Variants in COL19A1 observed in about 807,000 individuals in gnomAD.
COL19A1 encodes the protein collagen type XIX alpha 1 chain.
In COL19A1, 159 loss-of-function variants were observed where a neutral mutation model predicts 190.2. The observed-to-expected ratio is 0.84, with a 90% CI of 0.73 to 0.95. The LOEUF is 0.95. COL19A1 is among the 40% of genes least tolerant of loss of function. The probability of loss-of-function intolerance (pLI) is 0.00; values close to 1 mark genes in which losing one functional copy is unlikely to be tolerated. For missense variants in COL19A1, 1,418 were observed against 1,431.9 expected (o/e 0.99, Z 0.16); for synonymous variants, 509 against 458.9 (o/e 1.11, Z -1.39).
intron 4 of COL19A1, among the ~76,000 whole-genome samples, chr6:69,900,883 T>A (rs1044134917): frequency 6.6e-6 from 1 of 152,184 alleles, no homozygotes; most frequent in Non-Finnish European, 1.5e-5. Context: ...TTTCCCTTAC[T>A]TTTTCTTTCT....
intron 14 of COL19A1, among the ~76,000 whole-genome samples, chr6:70,065,577 G>T (rs1781131972): frequency 6.6e-6 from 1 of 152,120 alleles, no homozygotes; most frequent in South Asian, 2.1e-4. Context: ...AACACCAAAA[G>T]CAATGGCAAC....
At chr6:70,087,486 A>T (rs1258288943) in intron 15 of COL19A1, among the ~76,000 whole-genome samples, 1 of 152,128 alleles carries the variant, frequency 6.6e-6, no homozygotes, top group African/African-American at 2.4e-5. Context: ...TATGGCTAGA[A>T]TGGTGAAGGA....
At chr6:70,040,757 T>C (rs187782118) in intron 14 of COL19A1, among the ~76,000 whole-genome samples, 2 of 152,184 alleles carry the variant, frequency 1.3e-5, no homozygotes, top group African/African-American at 4.8e-5. Context: ...AAAGTGATAT[T>C]TATGGCATTA....
At chr6:70,083,592 C>T (rs1782406115) in intron 15 of COL19A1, among the ~76,000 whole-genome samples, 1 of 152,094 alleles carries the variant, frequency 6.6e-6, no homozygotes, top group Non-Finnish European at 1.5e-5. Context: ...ACTGAAACAA[C>T]AAAAACTTTA....
intron 11 of COL19A1, among the ~76,000 whole-genome samples, chr6:69,991,407 C>T (rs1280042965): frequency 2.6e-5 from 4 of 151,876 alleles, no homozygotes; most frequent in Non-Finnish European, 5.9e-5. Flanking sequence ...AAGTATATAC[C>T]CAGTAATGAG....
chr6:70,143,052 T>G (rs936039400), intron 23 of COL19A1, among the ~76,000 whole-genome samples: 1 of 152,160 alleles, frequency 6.6e-6, no homozygotes, highest in African/African-American at 2.4e-5. Context: ...AATTGGTTTT[T>G]GGAGCTCAAG....
At chr6:70,022,605 G>A (rs1778475699) in intron 11 of COL19A1, among the ~76,000 whole-genome samples, 1 of 152,096 alleles carries the variant, frequency 6.6e-6, no homozygotes, top group Non-Finnish European at 1.5e-5. Context: ...AAAATTATAT[G>A]TCACTATGAG....
intron 4 of COL19A1, among the ~76,000 whole-genome samples, chr6:69,920,129 G>GA (rs1458325419): frequency 6.6e-6 from 1 of 151,776 alleles, no homozygotes; most frequent in Non-Finnish European, 1.5e-5. Context: ...AAAATATAAA[G>GA]AAAAAAATAA....
intron 9 of COL19A1, among the ~76,000 whole-genome samples, chr6:69,946,886 G>C (rs1414276775): frequency 1.3e-5 from 2 of 151,910 alleles, no homozygotes; most frequent in Non-Finnish European, 2.9e-5. Context: ...TGGCCCTATA[G>C]TAGGGCTGCC....
chr6:69,944,068 C>A (rs1773635824), intron 9 of COL19A1, among the ~76,000 whole-genome samples: 1 of 152,072 alleles, frequency 6.6e-6, no homozygotes. Flanking sequence ...ACTTTTGCTC[C>A]AAGTCCTTTG....
At chr6:70,175,177 G>T (rs1765729206) in intron 41 of COL19A1, among the ~76,000 whole-genome samples, 1 of 152,010 alleles carries the variant, frequency 6.6e-6, no homozygotes, top group African/African-American at 2.4e-5. Context: ...TCTTTTTGAT[G>T]ATGGCTATGC....
intron 11 of COL19A1, among the ~76,000 whole-genome samples, chr6:69,997,809 A>C (rs1342795675): frequency 6.6e-6 from 1 of 152,196 alleles, no homozygotes; most frequent in Non-Finnish European, 1.5e-5. Flanking sequence ...GAGAGAGATA[A>C]ATAAGAGAGA....
intron 9 of COL19A1, among the ~76,000 whole-genome samples, chr6:69,955,251 A>G (rs1277437446): frequency 1.3e-5 from 2 of 152,142 alleles, no homozygotes. Context: ...CTAAGGCTTA[A>G]TTCTCTAGCT....
intron 14 of COL19A1, among the ~76,000 whole-genome samples, chr6:70,056,408 A>C (rs537811696): frequency 3.3e-5 from 5 of 152,152 alleles, no homozygotes; most frequent in African/African-American, 1.2e-4. Context: ...AAGAAGAGAG[A>C]AAACAAGAAT....
intron 9 of COL19A1, among the ~76,000 whole-genome samples, chr6:69,945,194 C>G (rs1347505698): frequency 1.3e-5 from 2 of 151,984 alleles, no homozygotes; most frequent in African/African-American, 4.8e-5. Flanking sequence ...TTCCATATCT[C>G]CAGTTAATTT....
chr6:70,177,177 C>T (rs1765866461), intron 42 of COL19A1, among the ~76,000 whole-genome samples: 1 of 152,176 alleles, frequency 6.6e-6, no homozygotes, highest in Non-Finnish European at 1.5e-5. Flanking sequence ...TTCTGATCTT[C>T]ATTCATGATG....
At chr6:70,042,057 T>C (rs1779661713) in intron 14 of COL19A1, among the ~76,000 whole-genome samples, 1 of 152,110 alleles carries the variant, frequency 6.6e-6, no homozygotes, top group African/African-American at 2.4e-5. Flanking sequence ...ATAGCAAGAC[T>C]CTGTCTCAAA....
At chr6:70,110,480 A>G (rs1480108537) in intron 16 of COL19A1, among the ~76,000 whole-genome samples, 1 of 152,210 alleles carries the variant, frequency 6.6e-6, no homozygotes, top group Non-Finnish European at 1.5e-5. Flanking sequence ...ATATAGACAC[A>G]TAAGACCTAT....
intron 11 of COL19A1, among the ~76,000 whole-genome samples, chr6:70,008,354 G>T (rs1364267197): frequency 6.8e-6 from 1 of 146,666 alleles, no homozygotes; most frequent in African/African-American, 2.5e-5. Context: ...ATGAGGGAGG[G>T]GACACCACTA....
Sources: gnomAD v4.1 joint callset for allele counts (sites outside exome capture counted in the v4.1 genomes callset) on GRCh38, gnomAD v4.1.1 for gene constraint, MANE v1.5 for transcripts, NCBI Gene and HGNC (gene_info 2026-07-23, HGNC 2026-07-21) for gene names.